CSMD3: variants seen among roughly 807,000 people sequenced by gnomAD.
CSMD3 encodes CUB and Sushi multiple domains 3, also known as CUB and sushi domain-containing protein 3.
Under a neutral mutation model 435.2 loss-of-function variants are expected in CSMD3, and 177 were observed. The ratio of observed to expected loss-of-function variants is 0.41; its 90% CI spans 0.36 to 0.46. The LOEUF is 0.46. CSMD3 is among the 20% of genes least tolerant of loss of function. The probability of loss-of-function intolerance (pLI) is 0.34; values close to 1 mark genes in which losing one functional copy is unlikely to be tolerated. For synonymous variants in CSMD3, 1,656 were observed against 1,520.5 expected (o/e 1.09, Z -2.07); for missense variants, 4,265 against 4,504.6 (o/e 0.95, Z 1.52).
chr8:112,940,958 A>C (rs998719750), intron 9 of CSMD3, among the ~76,000 whole-genome samples: 1 of 151,804 alleles, frequency 6.6e-6, no homozygotes, highest in Non-Finnish European at 1.5e-5. Context: ...TCTTTGTCAC[A>C]CATACAGAAA....
In CSMD3 at chr8:112,853,525, C is replaced by T. The variant is rs573960404; in HGVS notation, c.1755+5620G>A. On this transcript the variant is annotated intron_variant, in intron 11 of 70. Coordinates refer to ENST00000297405, the MANE Select transcript of CSMD3 (RefSeq NM_198123.2). Reference sequence around the variant, plus strand: ...ACCGGTGTGAGCCACCACACCTGGCCGTTCATCCACTATGTATTCTAACTG... The same window carrying T: ...ACCGGTGTGAGCCACCACACCTGGCTGTTCATCCACTATGTATTCTAACTG... Among the ~76,000 whole-genome samples, 4 of 152,250 alleles carry T rather than the reference C, an allele frequency of 2.6e-5. No homozygotes were observed. In the South Asian group the frequency reaches 6.2e-4, roughly 24 times the overall value.
At chr8:112,787,592 A>G (rs1005611976) in intron 13 of CSMD3, among the ~76,000 whole-genome samples, 7 of 152,178 alleles carry the variant, frequency 4.6e-5, no homozygotes, top group Non-Finnish European at 8.8e-5. Context: ...TACACAATGG[A>G]GTATTATTCA....
At chr8:112,888,764 C>T (rs942111480) in intron 10 of CSMD3, among the ~76,000 whole-genome samples, 1 of 151,610 alleles carries the variant, frequency 6.6e-6, no homozygotes, top group Non-Finnish European at 1.5e-5. Context: ...AGGCCACTCA[C>T]GTTCACAGAT....
At chr8:112,977,693 C>G (rs1467696385) in intron 6 of CSMD3, among the ~76,000 whole-genome samples, 1 of 151,848 alleles carries the variant, frequency 6.6e-6, no homozygotes, top group Admixed American at 6.6e-5. Context: ...TTTGAAAGAG[C>G]CAAAAGTAAA....
chr8:113,376,774 A>G lies in CSMD3; in HGVS notation c.178+59903T>C, dbSNP rs143842097. 6.2e-6 allele frequency: 10 copies of G among 1,613,980 alleles called. No individual in the cohort carries two copies. In the South Asian group the frequency reaches 1.1e-4, roughly 18 times the overall value. On this transcript the variant is annotated intron_variant, in intron 1 of 70. Coordinates refer to ENST00000297405, the MANE Select transcript of CSMD3 (RefSeq NM_198123.2). ...TGTCGGTCAAGCTGTACAGGTTTCC[A>G]GCAAAGGAACCAACTCCACATTCAA...
chr8:112,337,675 C>T lies in CSMD3; in HGVS notation c.6709G>A (p.Gly2237Ser), dbSNP rs1225498072. ...GTTTGACCCACAGTAAAATCATTACCAATTACAAAACCATTTCGAAACGGG... is the reference window on the plus strand; with the variant it reads ...GTTTGACCCACAGTAAAATCATTACTAATTACAAAACCATTTCGAAACGGG... ...PRPFRNGFVI[G>S]NDFTVGQTIS... is the part of the protein sequence containing the mutation. Residue 2237 changes from glycine (G) to serine (S), a missense_variant, in exon 43 of 71, where the codon GGT becomes AGT. This residue lies in a region of CSMD3 where 3,255 missense variants were observed against 3,380.2 expected (regional missense o/e 0.96). Coordinates refer to ENST00000297405, the MANE Select transcript of CSMD3 (RefSeq NM_198123.2). 5 of 1,613,442 alleles carry T rather than the reference C, an allele frequency of 3.1e-6. No individual in the cohort carries two copies. The South Asian group carries it at 5.5e-5, about 18-fold the overall frequency.
chr8:112,859,606 G>T (rs16884160), intron 10 of CSMD3, among the ~76,000 whole-genome samples: 4,404 of 151,824 alleles, frequency 0.029, 97 homozygotes, highest in Non-Finnish European at 0.046. Context: ...GAGTGAAACA[G>T]AGCCTTGGGT....
chr8:113,429,968 C>A (rs950005475), intron 1 of CSMD3, among the ~76,000 whole-genome samples: 1 of 151,978 alleles, frequency 6.6e-6, no homozygotes, highest in Non-Finnish European at 1.5e-5. Flanking sequence ...TTAATCAATC[C>A]CTATTAAAAG....
At chr8:113,114,836 C>A (rs183774798) in intron 4 of CSMD3, among the ~76,000 whole-genome samples, 138 of 152,250 alleles carry the variant, frequency 9.1e-4, no homozygotes, top group African/African-American at 3.2e-3. Context: ...ATACCCTAAT[C>A]ATCCTCACTT....
rs2074931264 is a variant in CSMD3 at position 112,644,719 on chromosome 8, A to G, written c.3310+390T>C. Among the ~76,000 whole-genome samples, 8 of 152,192 alleles carry G rather than the reference A, an allele frequency of 5.3e-5. No individual in the cohort carries two copies. The South Asian group carries it at 1.7e-3, about 32-fold the overall frequency. On this transcript the variant is annotated intron_variant, in intron 20 of 70. Transcript: ENST00000297405. Reference sequence around the variant, plus strand: ...AAACAAGTATATATAAACACATACTAGTTGCTTTAAAAATTGGCTTAGCAT... The same window carrying G: ...AAACAAGTATATATAAACACATACTGGTTGCTTTAAAAATTGGCTTAGCAT...
chr8:112,489,285 T>G (rs975001148), intron 31 of CSMD3, among the ~76,000 whole-genome samples: 1 of 151,970 alleles, frequency 6.6e-6, no homozygotes, highest in African/African-American at 2.4e-5. Flanking sequence ...ATTAGCTGGG[T>G]GTAGTGGCAC....
intron 50 of CSMD3, among the ~76,000 whole-genome samples, chr8:112,307,722 T>C (rs1015288643): frequency 6.6e-6 from 1 of 152,222 alleles, no homozygotes; most frequent in African/African-American, 2.4e-5. Context: ...TAGTGCATTA[T>C]TGTTATAAAA....
rs932076298 is a variant in CSMD3, at chr8:113,395,426, G to T, written c.178+41251C>A. On this transcript the variant is annotated intron_variant, in intron 1 of 70. Coordinates refer to ENST00000297405, the MANE Select transcript of CSMD3 (RefSeq NM_198123.2). ...ATTGAGACCCATCCTGGCTAACACA[G>T]TGAAACCCCGTCTCTACTAAAAAAT... Among the ~76,000 whole-genome samples the T allele has an allele frequency of 1.3e-4, 20 of 152,110 alleles. No homozygotes were observed. In the South Asian group the frequency reaches 3.7e-3, roughly 28 times the overall value.
chr8:112,421,388 C>G (rs560216142), intron 32 of CSMD3, among the ~76,000 whole-genome samples: 1 of 151,354 alleles, frequency 6.6e-6, no homozygotes, highest in East Asian at 1.9e-4. Context: ...ACTAAAAATA[C>G]AAAAAATTAG....
chr8:112,253,118 T>C (rs1815437971), intron 63 of CSMD3, among the ~76,000 whole-genome samples: 1 of 151,914 alleles, frequency 6.6e-6, no homozygotes, highest in South Asian at 2.1e-4. Context: ...AACATCACAA[T>C]TTTGTATTCT....
intron 12 of CSMD3, among the ~76,000 whole-genome samples, chr8:112,801,416 G>A (rs993117717): frequency 6.6e-6 from 1 of 151,906 alleles, no homozygotes; most frequent in Non-Finnish European, 1.5e-5. Context: ...CAGGATTTAT[G>A]GGAATTTGTC....
chr8:112,445,557 C>A (rs1374363148), intron 32 of CSMD3, among the ~76,000 whole-genome samples: 2 of 152,056 alleles, frequency 1.3e-5, no homozygotes, highest in Non-Finnish European at 2.9e-5. Context: ...GAACTCAGAA[C>A]GAGAACTCAC....
chr8:112,753,537 G>A (rs894447385), intron 13 of CSMD3, among the ~76,000 whole-genome samples: 3 of 152,248 alleles, frequency 2.0e-5, no homozygotes, highest in East Asian at 1.9e-4. Flanking sequence ...TTGTAAACAC[G>A]GAAAAAGTAG....
Position 112,234,387 on chromosome 8 carries a change from T to A in CSMD3, c.10718A>T (p.Glu3573Val). 6.2e-7 allele frequency: 1 copy of A among 1,611,172 alleles called. No homozygotes were observed. The change falls in exon 68 of 71, where the codon GAA (glutamate) becomes GTA (valine). Residue 3573 changes from glutamate to valine, a missense_variant. Physicochemically the swap from Glu to Val is moderately radical, Grantham distance 121. Around this residue, in one of 3 missense-constraint regions of CSMD3, gnomAD observed 3,255 missense variants for 3,380.2 expected, o/e 0.96. Coordinates refer to ENST00000297405, the MANE Select transcript of CSMD3 (RefSeq NM_198123.2). ...TACAAAGCCATCCATTGCCCAATTT[T>A]CTTCCTTCATTTTCTTCACAGAAGC... ...AHASVKKMKEENWAMDGFVSA... is the reference protein window; with the variant it reads ...AHASVKKMKEVNWAMDGFVSA...
Sources: gnomAD v4.1 joint callset for allele counts (sites outside exome capture counted in the v4.1 genomes callset) on GRCh38, gnomAD v4.1.1 for gene constraint, gnomAD v4.1.1 regional missense constraint, MANE v1.5 for transcripts, NCBI Gene and HGNC (gene_info 2026-07-23, HGNC 2026-07-21) for gene names.